PPP2R2C: variants seen among roughly 807,000 people sequenced by gnomAD.
PPP2R2C encodes the protein protein phosphatase 2 regulatory subunit Bgamma.
PPP2R2C carries 10 observed loss-of-function variants against 45.3 expected under a neutral mutation model. The ratio of observed to expected loss-of-function variants is 0.22; its 90% CI spans 0.14 to 0.37. The LOEUF is 0.37. Among genes scored for constraint, PPP2R2C ranks in the 10% least tolerant of loss-of-function variants. The probability of loss-of-function intolerance (pLI) is 1.00; values close to 1 mark genes in which losing one functional copy is unlikely to be tolerated. For synonymous variants in PPP2R2C, 257 were observed against 245.4 expected (o/e 1.05, Z -0.44); for missense variants, 308 against 619.7 (o/e 0.50, Z 5.34).
At position 6,472,142 on chromosome 4, in the gene PPP2R2C, A is replaced by G; in HGVS notation, c.70+18T>C. ...CGCCGCGGCCGGCCGGAGGGGTCTC[A>G]GACAACACGTACGTTACCTTCAGTC... On this transcript the variant is annotated intron_variant, in intron 1 of 8. Coordinates refer to ENST00000382599, the MANE Select transcript of PPP2R2C (RefSeq NM_020416.4). The G allele has an allele frequency of 6.2e-7, 1 of 1,613,412 alleles. No individual in the cohort carries two copies. Among genetic ancestry groups the G allele is most frequent in the African/African-American group, 1.3e-5 (1 of 75,006 alleles).
intron 1 of PPP2R2C, among the ~76,000 whole-genome samples, chr4:6,438,929 A>G (rs1190995551): frequency 3.3e-5 from 5 of 152,220 alleles, no homozygotes; most frequent in Non-Finnish European, 2.9e-5. Flanking sequence ...CAGGAGACAG[A>G]GCATGATCAG....
At chr4:6,354,419 T>A (rs975339329) in intron 5 of PPP2R2C, among the ~76,000 whole-genome samples, 1 of 152,128 alleles carries the variant, frequency 6.6e-6, no homozygotes, top group East Asian at 1.9e-4. Context: ...ACCATTGTGC[T>A]GTGTATGTGA....
intron 2 of PPP2R2C, among the ~76,000 whole-genome samples, chr4:6,531,302 G>A (rs1216481389): frequency 6.6e-6 from 1 of 152,154 alleles, no homozygotes; most frequent in Non-Finnish European, 1.5e-5. Flanking sequence ...CAGGGGCCCA[G>A]GGGTGCTGTG....
chr4:6,532,854 C>T (rs922265883), intron 2 of PPP2R2C, among the ~76,000 whole-genome samples: 10 of 152,186 alleles, frequency 6.6e-5, no homozygotes, highest in Non-Finnish European at 1.2e-4. Flanking sequence ...GCAGCAGCAC[C>T]GGGGGGCCAG....
At position 6,560,591 on chromosome 4, in the gene PPP2R2C, C is replaced by T. The variant is rs114511596; in HGVS notation, c.-59+2969G>A. ...ATACCTAGGAAGCACTGGAAGCGTCCCTGGATCCTACAAAGCACCTCTCAG... is the reference window on the plus strand; with the variant it reads ...ATACCTAGGAAGCACTGGAAGCGTCTCTGGATCCTACAAAGCACCTCTCAG... On this transcript the variant is annotated intron_variant, in intron 1 of 9. Transcript: ENST00000506140. Among the ~76,000 whole-genome samples the T allele has an allele frequency of 3.7e-3, 557 of 152,260 alleles. 4 individuals are homozygous for T. The highest frequency in any genetic ancestry group is 5.8e-3 in the Non-Finnish European group (395 of 68,018).
chr4:6,329,235 G>A lies in PPP2R2C; in HGVS notation c.1052+27C>T, dbSNP rs748514673. 6.2e-7 allele frequency: 1 copy of A among 1,600,356 alleles called. No homozygotes were observed. Reference sequence around the variant, plus strand: ...GCAGAAACCCTCCCTACGGTGAGGTGAGGTGCGGGCTGAGGTCAGGGCTTA... The same window carrying A: ...GCAGAAACCCTCCCTACGGTGAGGTAAGGTGCGGGCTGAGGTCAGGGCTTA... On this transcript the variant is annotated intron_variant, in intron 8 of 8. Transcript: ENST00000382599. The surrounding 1 kb of genome is among the most constrained non-coding windows in gnomAD (Gnocchi z 5.8).
chr4:6,421,664 C>A (rs1397416693), intron 1 of PPP2R2C, among the ~76,000 whole-genome samples: 2 of 151,938 alleles, frequency 1.3e-5, no homozygotes, highest in African/African-American at 4.8e-5. Flanking sequence ...CTGAGAATGA[C>A]GAGGAGAGGG....
At chr4:6,489,737 A>G (rs937566444) in intron 2 of PPP2R2C, among the ~76,000 whole-genome samples, 3 of 152,144 alleles carry the variant, frequency 2.0e-5, no homozygotes, top group Admixed American at 2.0e-4. Context: ...CTGCCAGTCC[A>G]CTACTCAACA....
chr4:6,365,783 C>T (rs1335431236), intron 5 of PPP2R2C, among the ~76,000 whole-genome samples: 3 of 152,326 alleles, frequency 2.0e-5, no homozygotes, highest in African/African-American at 7.2e-5. Context: ...AGAAATTCTC[C>T]AGGCCGAGGC....
In PPP2R2C at chr4:6,493,841, C is replaced by T. The variant is rs79167916; in HGVS notation, c.49+41430G>A. 9.6e-3 allele frequency among the ~76,000 whole-genome samples: 1,458 copies of T among 152,262 alleles called. 10 individuals carry two copies. Among genetic ancestry groups the T allele is most frequent in the South Asian group, 0.02 (98 of 4,818 alleles). ...TTCTGTCGACTCTTTAGTCGGGAGC[C>T]GTAGCTTTAAAATCACACAGCCTCG... On this transcript the variant is annotated intron_variant, in intron 2 of 9. Coordinates refer to the PPP2R2C transcript ENST00000506140.
intron 2 of PPP2R2C, chr4:6,380,111 C>CT (rs1344160718): frequency 6.6e-6 from 1 of 152,474 alleles, no homozygotes; most frequent in Non-Finnish European, 1.5e-5. Flanking sequence ...GAGACGCCCT[C>CT]TCTGAGGCCG....
intron 1 of PPP2R2C, among the ~76,000 whole-genome samples, chr4:6,429,536 G>A (rs6826908): frequency 0.097 from 14,783 of 152,168 alleles, 2,369 homozygotes; most frequent in African/African-American, 0.34. Context: ...GTATGGGTTG[G>A]GGATGATCTC....
chr4:6,472,759 G>T (rs1462760318), upstream of PPP2R2C, among the ~76,000 whole-genome samples: 2 of 151,930 alleles, frequency 1.3e-5, no homozygotes, highest in Non-Finnish European at 2.9e-5. Context: ...TGGGCACCTT[G>T]GTGCTGGGTG....
At chr4:6,533,993 CACACACACCCCAATAT>C (rs1337021712) in intron 2 of PPP2R2C, among the ~76,000 whole-genome samples, 3 of 149,534 alleles carry the variant, frequency 2.0e-5, no homozygotes, top group East Asian at 2.0e-4. Flanking sequence ...ACCCCAAACA[CACACACACCCCAATAT>C]ACACACACCC....
intron 1 of PPP2R2C, among the ~76,000 whole-genome samples, chr4:6,460,006 G>A (rs901745708): frequency 2.0e-5 from 3 of 152,016 alleles, no homozygotes; most frequent in Admixed American, 2.0e-4. Flanking sequence ...ACGCAAAAAG[G>A]TGCAAAGATG....
chr4:6,371,005 G>C (rs1364137893), intron 5 of PPP2R2C, among the ~76,000 whole-genome samples: 1 of 152,220 alleles, frequency 6.6e-6, no homozygotes, highest in Non-Finnish European at 1.5e-5. Context: ...GACAAGAGAA[G>C]GGAGAGAGAT....
chr4:6,326,680 C>T (rs1264048614), intron 8 of PPP2R2C, among the ~76,000 whole-genome samples: 5 of 152,196 alleles, frequency 3.3e-5, no homozygotes, highest in South Asian at 2.1e-4. Flanking sequence ...ACTTTCCAGC[C>T]GAGCTGACTT....
At position 6,441,208 on chromosome 4, in the gene PPP2R2C, C is replaced by G. The variant is rs1371577060; in HGVS notation, c.70+30952G>C. Among the ~76,000 whole-genome samples the G allele has an allele frequency of 2.0e-5, 3 of 152,212 alleles. No homozygotes were observed. The South Asian group carries it at 6.2e-4, about 32-fold the overall frequency. On this transcript the variant is annotated intron_variant, in intron 1 of 8. Coordinates refer to ENST00000382599, the MANE Select transcript of PPP2R2C (RefSeq NM_020416.4). Reference sequence around the variant, plus strand: ...GGCTCTGGAAAAAAGCACCTCAGGGCCCTCATGCATGAAAACACTAAAGTG... The same window carrying G: ...GGCTCTGGAAAAAAGCACCTCAGGGGCCTCATGCATGAAAACACTAAAGTG...
At chr4:6,342,520 G>T (rs375475896) in intron 6 of PPP2R2C, among the ~76,000 whole-genome samples, 1 of 152,124 alleles carries the variant, frequency 6.6e-6, no homozygotes, top group Non-Finnish European at 1.5e-5. Context: ...ACCCAACACC[G>T]GGCCAGGCAC....
Sources: gnomAD v4.1 joint callset for allele counts (sites outside exome capture counted in the v4.1 genomes callset) on GRCh38, gnomAD v4.1.1 for gene constraint, Gnocchi (gnomAD v3.1) non-coding constraint, MANE v1.5 for transcripts, NCBI Gene and HGNC (gene_info 2026-07-23, HGNC 2026-07-21) for gene names.